Variants in ZNF77 observed in about 807,000 individuals in gnomAD.
ZNF77 encodes the protein zinc finger protein 77, also known as ZNFpT1.
Under a neutral mutation model 13.5 loss-of-function variants are expected in ZNF77, and 15 were observed. That is an observed-to-expected ratio of 1.11 (90% CI 0.74 to 1.71). The LOEUF is 1.71. ZNF77 is among the 40% of genes most tolerant of loss of function. The pLI, the probability that ZNF77 is intolerant of heterozygous loss-of-function variation, is 0.00. For missense variants in ZNF77, 717 were observed against 676.4 expected, an observed-to-expected ratio of 1.06 and a Z score of -0.67; for synonymous variants, 282 against 250.0, an observed-to-expected ratio of 1.13 and a Z score of -1.21.
intron 2 of ZNF77, among the ~76,000 whole-genome samples, chr19:2,937,712 G>A (rs1375661733): frequency 6.6e-6 from 1 of 151,442 alleles, no homozygotes; most frequent in Non-Finnish European, 1.5e-5. Flanking sequence ...GCTGAGAGAG[G>A]ACACACCTCC....
intron 1 of ZNF77, among the ~76,000 whole-genome samples, chr19:2,941,954 C>T (rs2088452508): frequency 6.6e-6 from 1 of 152,094 alleles, no homozygotes; most frequent in Non-Finnish European, 1.5e-5. Flanking sequence ...GAGTTTTCCA[C>T]AGCAGCCTTC....
At chr19:2,936,770 C>CGGATTTCTTTTCATATAG (rs1568192804) in intron 2 of ZNF77, 66 bp from the exon 3 acceptor site, 2 of 1,455,594 alleles carry the variant, frequency 1.4e-6, no homozygotes, top group Non-Finnish European at 1.9e-6. Context: ...AGACCACATA[C>CGGATTTCTTTTCATATAG]GGATTTCTTT....
chr19:2,938,715 G>C (rs547496057), intron 2 of ZNF77, among the ~76,000 whole-genome samples: 1 of 152,170 alleles, frequency 6.6e-6, no homozygotes, highest in African/African-American at 2.4e-5. Flanking sequence ...CCAGCACTTT[G>C]GGAGGCCAAG....
Position 2,944,892 on chromosome 19 carries a change from C to T in ZNF77, c.-52G>A, listed in dbSNP as rs2144974146. On this transcript the variant is annotated 5_prime_UTR_variant, in exon 1 of 4. Transcript: ENST00000314531. ...GGTTAGCGCCCCGCGGTCCAGCGACCGGCGCAGGTGAGCACGACAGGACAC... is the reference window on the plus strand; with the variant it reads ...GGTTAGCGCCCCGCGGTCCAGCGACTGGCGCAGGTGAGCACGACAGGACAC... 6.6e-7 allele frequency: 1 copy of T among 1,520,018 alleles called. No individual in the cohort carries two copies. Among genetic ancestry groups the T allele is most frequent in the African/African-American group, 1.4e-5 (1 of 71,292 alleles). 94.2% of individuals were successfully genotyped at this position (1,520,018 alleles called of 1,614,324 possible). A position where few individuals can be genotyped will look rare whatever the true frequency, so the allele number is the denominator to read the frequency against.
intron 1 of ZNF77, among the ~76,000 whole-genome samples, chr19:2,944,078 G>A (rs150915599): frequency 6.6e-6 from 1 of 151,784 alleles, no homozygotes; most frequent in Non-Finnish European, 1.5e-5. Flanking sequence ...TTCCCAAACT[G>A]ACCACCAAGC....
chr19:2,944,924 C>A lies in ZNF77; in HGVS notation c.-84G>T, dbSNP rs2088483106. The A allele has an allele frequency of 1.4e-6, 2 of 1,465,056 alleles. No individual in the cohort carries two copies. The highest frequency in any genetic ancestry group is 1.8e-6 in the Non-Finnish European group (2 of 1,111,822). The allele number at this position is 1,465,056 out of a possible 1,614,324, so 90.8% of individuals were successfully genotyped here. A position where few individuals can be genotyped will look rare whatever the true frequency, so the allele number is the denominator to read the frequency against. On this transcript the variant is annotated 5_prime_UTR_variant, in exon 1 of 4. Coordinates refer to ENST00000314531, the MANE Select transcript of ZNF77 (RefSeq NM_021217.3). ...GGTGAGCACGACAGGACACCTGAGC[C>A]GCTCGGGGTAGGCGGGGAAGCGCGC...
chr19:2,934,154 G>T lies in ZNF77; in HGVS notation c.973C>A (p.Gln325Lys), dbSNP rs1327908311. 2 of 1,608,374 alleles carry T rather than the reference G, an allele frequency of 1.2e-6. No individual in the cohort carries two copies. The change falls in exon 4 of 4, where the codon CAG (glutamine) becomes AAG (lysine). Residue 325 changes from glutamine (Q) to lysine (K), a missense_variant. Transcript: ENST00000314531. ...AACGCTTTTCCGCAATGTTTACACT[G>T]ACAGGGTTTCTCTCCAGTGTGCGTC... ...VRTHTGEKPC[Q>K]CKHCGKAFTC... is the part of the protein sequence containing the mutation.
chr19:2,937,842 C>CG (rs1305682914), intron 2 of ZNF77, among the ~76,000 whole-genome samples: 3 of 152,096 alleles, frequency 2.0e-5, no homozygotes, highest in African/African-American at 7.2e-5. Context: ...CTGCAACCTC[C>CG]GTGTCCTGGG....
rs770910866 is a variant in ZNF77 at position 2,933,856 on chromosome 19, C to T, written c.1271G>A (p.Arg424Gln). ...GKAYSFSSSL[R>Q]IHVRTHTGEK... ...TCCAGTATGCGTCCTCACGTGGATT[C>T]GAAGGGAGGAGGAAAAACTGTAGGC... Residue 424 changes from arginine (R) to glutamine (Q), a missense_variant, in exon 4 of 4, where the codon CGA becomes CAA. Transcript: ENST00000314531. The T allele has an allele frequency of 1.2e-5, 19 of 1,613,416 alleles. No homozygotes were observed. Among genetic ancestry groups the T allele is most frequent in the South Asian group, 3.3e-5 (3 of 91,034 alleles).
chr19:2,938,356 G>A (rs983855760), intron 2 of ZNF77, among the ~76,000 whole-genome samples: 21 of 152,286 alleles, frequency 1.4e-4, no homozygotes, highest in East Asian at 1.9e-4. Flanking sequence ...CATGTCAAAC[G>A]TGGATTACTC....
Position 2,933,618 on chromosome 19 carries a change from ACAACTGTAGG to A in ZNF77, c.1499_1508del (p.Ala500ValfsTer9). On this transcript the variant is annotated frameshift_variant, in exon 4 of 4. Transcript: ENST00000314531. LOFTEE classifies it low-confidence loss of function (END_TRUNC). The stretch of plus-strand genomic sequence containing the variant: ...TCACGTGCACACGAAGGGACGAGGA[ACAACTGTAGG>A]CTTTCCCACATTCAGTACATTCGTA... The A allele has an allele frequency of 6.2e-7, 1 of 1,613,926 alleles. No homozygotes were observed. Among genetic ancestry groups the A allele is most frequent in the African/African-American group, 1.3e-5 (1 of 75,014 alleles).
At chr19:2,937,492 CAA>C (rs760848220) in intron 2 of ZNF77, among the ~76,000 whole-genome samples, 8 of 127,102 alleles carry the variant, frequency 6.3e-5, no homozygotes, top group Admixed American at 8.0e-5. Flanking sequence ...AACTGTGTCT[CAA>C]AAAAAAAAAA....
chr19:2,944,741 G>T (rs943866246), intron 1 of ZNF77, 97 bp downstream of exon 1: 1 of 1,414,856 alleles, frequency 7.1e-7, no homozygotes, highest in African/African-American at 1.5e-5. Flanking sequence ...CGCCCCGCGC[G>T]TCCCTCAGCT....
chr19:2,937,142 T>C (rs747731213), intron 2 of ZNF77, among the ~76,000 whole-genome samples: 12 of 152,054 alleles, frequency 7.9e-5, no homozygotes, highest in South Asian at 2.1e-4. Flanking sequence ...TGGGCCATGA[T>C]TGCACCACGG....
chr19:2,941,789 C>A (rs1013640617), intron 1 of ZNF77, among the ~76,000 whole-genome samples: 4 of 152,152 alleles, frequency 2.6e-5, no homozygotes, highest in African/African-American at 9.7e-5. Context: ...GGAGCAGGGT[C>A]CCCCACTGTC....
chr19:2,939,706 T>C (rs2088432999), intron 1 of ZNF77: 2 of 361,118 alleles, frequency 5.5e-6, no homozygotes, highest in African/African-American at 2.1e-5. Flanking sequence ...GGCTGGTGGC[T>C]CATGCCTGCA....
rs543800311 is a variant in ZNF77, at chr19:2,935,108, T to A, written c.312-293A>T. Among the ~76,000 whole-genome samples the A allele has an allele frequency of 9.9e-5, 15 of 152,172 alleles. 1 individual carries two copies. The South Asian group carries it at 3.1e-3, about 32-fold the overall frequency. ...ATCTCGGCTCACTGCAAGCTCCACC[T>A]CCCAGGTTCATGCCATTCTCCTGCC... On this transcript the variant is annotated intron_variant, in intron 3 of 3. Transcript: ENST00000314531.
In ZNF77 at chr19:2,939,377, T is replaced by C; in HGVS notation, c.34A>G (p.Asn12Asp). Reference protein sequence around the residue: ...DCVIFEEVAVNFTPEEWALLD... With the variant: ...DCVIFEEVAVDFTPEEWALLD... ...AATGCCCACTCTTCTGGGGTGAAGT[T>C]CACAGCCACTTCCTCAAAGATCACG... The change falls in exon 2 of 4, where the codon AAC becomes GAC. Residue 12 changes from asparagine to aspartate, a missense_variant. Asn to Asp is a conservative substitution (Grantham distance 23, BLOSUM62 1). Transcript: ENST00000314531. 6.2e-7 allele frequency: 1 copy of C among 1,614,198 alleles called. No homozygotes were observed. Among genetic ancestry groups the C allele is most frequent in the Non-Finnish European group, 8.5e-7 (1 of 1,180,012 alleles).
intron 1 of ZNF77, among the ~76,000 whole-genome samples, chr19:2,943,695 T>TA (rs2088470844): frequency 6.9e-6 from 1 of 144,016 alleles, no homozygotes; most frequent in Admixed American, 7.0e-5. Flanking sequence ...AGCCAGGATT[T>TA]TTTTTTTTTT....
Sources: gnomAD v4.1 joint callset for allele counts (sites outside exome capture counted in the v4.1 genomes callset) on GRCh38, gnomAD v4.1.1 for gene constraint, MANE v1.5 for transcripts, NCBI Gene and HGNC (gene_info 2026-07-23, HGNC 2026-07-21) for gene names.